The following NRBF2 variants were observed in gnomAD, a reference collection of about 807,000 sequenced individuals.
NRBF2 encodes nuclear receptor binding factor 2.
A neutral mutation model predicts 28.5 loss-of-function variants in NRBF2; 12 were observed. That is an observed-to-expected ratio of 0.42 (90% confidence interval 0.27 to 0.68). The LOEUF is 0.68. Among genes scored for constraint, NRBF2 ranks in the 30% least tolerant of loss-of-function variants. The pLI is 0.24. For synonymous variants in NRBF2, 102 were observed against 116.5 expected (o/e 0.88, Z 0.80); for missense variants, 274 against 333.5 (o/e 0.82, Z 1.39).
intron 1 of NRBF2, among the ~76,000 whole-genome samples, chr10:63,136,446 T>A (rs776392861): frequency 6.6e-6 from 1 of 152,228 alleles, no homozygotes; most frequent in African/African-American, 2.4e-5. Context: ...CTCAGAGAGT[T>A]ACTAATGCAA....
intron 1 of NRBF2, among the ~76,000 whole-genome samples, chr10:63,140,182 T>C (rs1019583057): frequency 5.3e-5 from 8 of 152,030 alleles, no homozygotes; most frequent in African/African-American, 1.9e-4. Context: ...AAAATATAGT[T>C]CTATACTATA....
chr10:63,154,305 A>G lies in NRBF2; in HGVS notation c.*87A>G, dbSNP rs1217891901. 5.5e-5 allele frequency: 49 copies of G among 883,172 alleles called. No individual in the cohort carries two copies. Among genetic ancestry groups the G allele is most frequent in the Non-Finnish European group, 8.2e-5 (47 of 574,474 alleles). The allele number at this position is 883,172 out of a possible 1,614,324, so 54.7% of individuals were successfully genotyped here. A position where few individuals can be genotyped will look rare whatever the true frequency, so the allele number is the denominator to read the frequency against. ...AAGAAATGAAAAGGGAAAACCACATAGAAGGGTAATCCCGGAAATGCTTCA... is the reference window on the plus strand; with the variant it reads ...AAGAAATGAAAAGGGAAAACCACATGGAAGGGTAATCCCGGAAATGCTTCA... On this transcript the variant is annotated 3_prime_UTR_variant, in exon 4 of 4. Transcript: ENST00000277746.
In NRBF2 at chr10:63,146,266, G is replaced by A. The variant is rs200823159; in HGVS notation, c.88G>A (p.Ala30Thr). ...RLLAAGKYEE[A>T]ISCHKKAAAY... is the part of the protein sequence containing the mutation. ...ATTAGCTGCAGGCAAATACGAAGAG[G>A]CTATTTCTTGTCACAAAAAGGCTGC... The change falls in exon 2 of 4, where the codon GCT (alanine) becomes ACT (threonine). Residue 30 changes from alanine (A) to threonine (T), a missense_variant. Coordinates refer to ENST00000277746, the MANE Select transcript of NRBF2 (RefSeq NM_030759.5). 1.2e-6 allele frequency: 2 copies of A among 1,612,346 alleles called. No homozygotes were observed.
At position 63,133,399 on chromosome 10, in the gene NRBF2, C is replaced by T. The variant is rs554548267; in HGVS notation, c.-72C>T. The T allele has an allele frequency of 3.8e-6, 6 of 1,590,156 alleles. No individual in the cohort carries two copies. The highest frequency in any genetic ancestry group is 2.3e-5 in the East Asian group (1 of 43,846). ...GCAGTCTCCGCGGCTGCGTCGAGCT[C>T]CCTTGCAGTCCCCTCCATGTTCCCC... is the stretch of plus-strand genomic sequence containing the variant. On this transcript the variant is annotated 5_prime_UTR_variant, in exon 1 of 4. Coordinates refer to ENST00000277746, the MANE Select transcript of NRBF2 (RefSeq NM_030759.5).
rs1043270182 is a variant in NRBF2 at position 63,139,235 on chromosome 10, C to G, written c.30+5735C>G. ...ACGTTGGTCTGGCTGGTCTCGAACT[C>G]TTGCCCTCGTGATCTGCCCACCTTG... is the stretch of plus-strand genomic sequence containing the variant. On this transcript the variant is annotated intron_variant, in intron 1 of 3. Transcript: ENST00000277746. Among the ~76,000 whole-genome samples, 5 of 152,168 alleles carry G rather than the reference C, an allele frequency of 3.3e-5. No homozygotes were observed. The East Asian group carries it at 9.6e-4, about 29-fold the overall frequency.
intron 1 of NRBF2, among the ~76,000 whole-genome samples, chr10:63,134,502 A>G (rs572958833): frequency 6.6e-6 from 1 of 152,128 alleles, no homozygotes; most frequent in African/African-American, 2.4e-5. Flanking sequence ...GTGGTTTAAG[A>G]CTCTAGGTTT....
chr10:63,143,223 T>A (rs1173725087), intron 1 of NRBF2, among the ~76,000 whole-genome samples: 1 of 152,244 alleles, frequency 6.6e-6, no homozygotes, highest in Admixed American at 6.5e-5. Context: ...GATTGTTGCT[T>A]CTTTCCTACA....
At chr10:63,138,312 CA>C (rs1204477937) in intron 1 of NRBF2, among the ~76,000 whole-genome samples, 1 of 150,838 alleles carries the variant, frequency 6.6e-6, no homozygotes, top group East Asian at 2.0e-4. Flanking sequence ...AACTCCGTAT[CA>C]AAAAACAAAA....
At chr10:63,141,471 A>G (rs919934866) in intron 1 of NRBF2, among the ~76,000 whole-genome samples, 6 of 152,190 alleles carry the variant, frequency 3.9e-5, no homozygotes, top group Admixed American at 1.3e-4. Flanking sequence ...TTAAAATGCA[A>G]TTCAGTCTAG....
At chr10:63,152,258 G>T in intron 3 of NRBF2, 68 bp downstream of exon 3, 1 of 1,193,530 alleles carries the variant, frequency 8.4e-7, no homozygotes, top group Non-Finnish European at 1.2e-6. Flanking sequence ...TGAATTGTGT[G>T]TAAAGCAAAG....
In NRBF2 at chr10:63,152,147, C is replaced by T. The variant is rs1841661445; in HGVS notation, c.116-3C>T. ...TTAACATGCCTATTTTTTCTCTTAA[C>T]AGCATATCTTTCTGAAGCCATGAAG... On this transcript the variant is annotated splice_polypyrimidine_tract_variant and splice_region_variant and intron_variant, in intron 2 of 3. Transcript: ENST00000277746. 4 of 1,611,576 alleles carry T rather than the reference C, an allele frequency of 2.5e-6. No individual in the cohort carries two copies. The highest frequency in any genetic ancestry group is 1.1e-5 in the South Asian group (1 of 90,938).
chr10:63,141,666 G>A (rs771880529), intron 1 of NRBF2, among the ~76,000 whole-genome samples: 3 of 152,108 alleles, frequency 2.0e-5, no homozygotes, highest in Admixed American at 1.3e-4. Flanking sequence ...ATTTACATAA[G>A]CAGACAATAA....
At chr10:63,150,425 C>G in intron 2 of NRBF2, 1 of 859,224 alleles carries the variant, frequency 1.2e-6, no homozygotes. Context: ...TTTTTAAATT[C>G]TTTTTAAATT....
At chr10:63,145,660 T>C (rs949046769) in intron 1 of NRBF2, among the ~76,000 whole-genome samples, 1 of 152,378 alleles carries the variant, frequency 6.6e-6, no homozygotes, top group African/African-American at 2.4e-5. Flanking sequence ...CTTTGTAATA[T>C]TAGATGTTGG....
chr10:63,148,112 G>T (rs1841592557), intron 2 of NRBF2, among the ~76,000 whole-genome samples: 1 of 152,170 alleles, frequency 6.6e-6, no homozygotes, highest in African/African-American at 2.4e-5. Flanking sequence ...GAGTGAATCA[G>T]CATATGTTAG....
chr10:63,145,018 A>G lies in NRBF2; in HGVS notation c.31-1191A>G, dbSNP rs142696551. 2.2e-3 allele frequency among the ~76,000 whole-genome samples: 326 copies of G among 151,562 alleles called. 2 individuals carry two copies. The highest frequency in any genetic ancestry group is 7.5e-3 in the African/African-American group (309 of 41,306). Reference sequence around the variant, plus strand: ...ATGTAAGTTACACGACCTCCCCATCAGTCTTTTGGGCCTCCTTATGTAAGA... The same window carrying G: ...ATGTAAGTTACACGACCTCCCCATCGGTCTTTTGGGCCTCCTTATGTAAGA... On this transcript the variant is annotated intron_variant, in intron 1 of 3. Transcript: ENST00000277746.
intron 2 of NRBF2, among the ~76,000 whole-genome samples, chr10:63,147,933 A>G (rs1841590241): frequency 6.6e-6 from 1 of 152,122 alleles, no homozygotes; most frequent in Non-Finnish European, 1.5e-5. Context: ...AATCTTTCCT[A>G]AACCATATTT....
intron 1 of NRBF2, among the ~76,000 whole-genome samples, chr10:63,144,340 T>C (rs1841526283): frequency 1.3e-5 from 2 of 152,200 alleles, no homozygotes; most frequent in Admixed American, 1.3e-4. Flanking sequence ...ATTTGTCCTT[T>C]TATGACTGGC....
At chr10:63,142,683 C>G (rs886934325) in intron 1 of NRBF2, among the ~76,000 whole-genome samples, 1 of 151,024 alleles carries the variant, frequency 6.6e-6, no homozygotes, top group East Asian at 1.9e-4. Flanking sequence ...AGAAAATGCT[C>G]ATGTGTTCAG....
Sources: allele counts gnomAD v4.1 joint callset (sites outside exome capture counted in the v4.1 genomes callset), GRCh38; gene constraint gnomAD v4.1.1; transcripts MANE v1.5; gene names NCBI Gene and HGNC (gene_info 2026-07-23, HGNC 2026-07-21).